The following XIRP2 variants were observed in gnomAD, a reference collection of about 807,000 sequenced individuals.
XIRP2 encodes xin actin-binding repeat-containing protein 2.
In XIRP2, 236 loss-of-function variants were observed where a neutral mutation model predicts 277.0. The ratio of observed to expected loss-of-function variants is 0.85; its 90% CI spans 0.77 to 0.95. The LOEUF is 0.95. Ranked by LOEUF, XIRP2 falls within the 40% of genes least tolerant of loss-of-function variation. XIRP2 has a pLI of 0.00. For synonymous variants in XIRP2, 1,490 were observed against 1,416.5 expected (o/e 1.05, Z -1.17); for missense variants, 4,640 against 4,157.5 (o/e 1.12, Z -3.19).
intron 2 of XIRP2, among the ~76,000 whole-genome samples, chr2:167,069,856 G>T (rs1445431600): frequency 6.6e-6 from 1 of 152,220 alleles, no homozygotes; most frequent in Non-Finnish European, 1.5e-5. Flanking sequence ...TCAGACAGAT[G>T]ATTTCTATAT....
chr2:167,234,344 C>T (rs1694841950), intron 5 of XIRP2, among the ~76,000 whole-genome samples: 1 of 150,952 alleles, frequency 6.6e-6, no homozygotes, highest in South Asian at 2.1e-4. Context: ...ATTTGGCATT[C>T]TTGTTTCAAG....
chr2:166,945,287 GT>G (rs941086135), intron 2 of XIRP2, among the ~76,000 whole-genome samples: 1 of 151,786 alleles, frequency 6.6e-6, no homozygotes, highest in African/African-American at 2.4e-5. Context: ...GTTTTGCTCT[GT>G]TTTTTTTATA....
intron 3 of XIRP2, among the ~76,000 whole-genome samples, chr2:167,156,170 G>C (rs534364489): frequency 2.6e-5 from 4 of 151,834 alleles, no homozygotes; most frequent in Non-Finnish European, 5.9e-5. Context: ...TGGCCATACT[G>C]CCCAAGGTAA....
At position 167,249,948 on chromosome 2, in the gene XIRP2, C is replaced by T; in HGVS notation, c.8556C>T (p.Val2852=). ...TGAAGAATAAATCAGCACCAAAGGT[C>T]GTCAAGCAAAAGGTTATCGATGCAC... ...EHLKNKSAPK[V]VKQKVIDAHL... is the part of the protein sequence containing the mutation. Residue 2852 remains valine (V), a synonymous_variant, in exon 9 of 11, where the codon GTC becomes GTT. Coordinates refer to ENST00000409195, the MANE Select transcript of XIRP2 (RefSeq NM_152381.6). The T allele has an allele frequency of 1.2e-6, 2 of 1,613,526 alleles. No homozygotes were observed. The highest frequency in any genetic ancestry group is 1.7e-6 in the Non-Finnish European group (2 of 1,179,690).
At chr2:167,189,622 T>G (rs1693266859) in intron 3 of XIRP2, among the ~76,000 whole-genome samples, 1 of 152,244 alleles carries the variant, frequency 6.6e-6, no homozygotes, top group African/African-American at 2.4e-5. Flanking sequence ...CCTTTTCTAA[T>G]TAATTAATGA....
chr2:166,916,405 G>C (rs1225024407), intron 2 of XIRP2, among the ~76,000 whole-genome samples: 1 of 152,004 alleles, frequency 6.6e-6, no homozygotes, highest in Admixed American at 6.6e-5. Context: ...GTGTTTCTGA[G>C]GTAACTTCTG....
At chr2:167,217,809 G>A (rs73972205) in intron 4 of XIRP2, among the ~76,000 whole-genome samples, 14,490 of 152,010 alleles carry the variant, frequency 0.095, 838 homozygotes, top group African/African-American at 0.16. Context: ...ACTTTATTGA[G>A]GGTTAAAATT....
intron 3 of XIRP2, among the ~76,000 whole-genome samples, chr2:167,193,846 C>A (rs1385593191): frequency 2.1e-5 from 3 of 141,948 alleles, no homozygotes; most frequent in African/African-American, 7.9e-5. Context: ...CCACTACACT[C>A]CAGCCTGGGT....
chr2:167,054,412 G>A (rs1023500591), intron 2 of XIRP2, among the ~76,000 whole-genome samples: 5 of 152,278 alleles, frequency 3.3e-5, no homozygotes, highest in Admixed American at 2.6e-4. Context: ...GGCTGGGTGA[G>A]GTGGCTCACG....
At chr2:167,030,647 G>C (rs1480469252) in intron 2 of XIRP2, among the ~76,000 whole-genome samples, 1 of 152,120 alleles carries the variant, frequency 6.6e-6, no homozygotes, top group East Asian at 1.9e-4. Flanking sequence ...ATCAATTTTA[G>C]AATAAGTGCG....
chr2:167,107,715 T>A (rs981784594), intron 2 of XIRP2, among the ~76,000 whole-genome samples: 15 of 151,734 alleles, frequency 9.9e-5, no homozygotes, highest in African/African-American at 1.4e-4. Flanking sequence ...ACTGTTTTTG[T>A]CTGATTTTGG....
At chr2:167,079,935 TA>T (rs1689682872) in intron 2 of XIRP2, among the ~76,000 whole-genome samples, 2 of 152,088 alleles carry the variant, frequency 1.3e-5, no homozygotes, top group Non-Finnish European at 2.9e-5. Flanking sequence ...TTTTTGGGTT[TA>T]TTTTTTGTTA....
intron 3 of XIRP2, among the ~76,000 whole-genome samples, chr2:167,174,705 T>C (rs1341859354): frequency 6.6e-6 from 1 of 152,180 alleles, no homozygotes; most frequent in Non-Finnish European, 1.5e-5. Context: ...ATTGTGATGT[T>C]AGGGTGTCAA....
At chr2:167,052,184 C>A (rs984044980) in intron 2 of XIRP2, among the ~76,000 whole-genome samples, 1 of 151,958 alleles carries the variant, frequency 6.6e-6, no homozygotes, top group African/African-American at 2.4e-5. Flanking sequence ...CCCAAAACAG[C>A]CTTGGAGACT....
At chr2:167,153,819 T>C (rs1364831954) in intron 3 of XIRP2, among the ~76,000 whole-genome samples, 1 of 150,164 alleles carries the variant, frequency 6.7e-6, no homozygotes, top group East Asian at 1.9e-4. Flanking sequence ...TGTTGGACAT[T>C]TGGTTTGGTT....
chr2:166,894,520 C>T (rs561800568), intron 1 of XIRP2, among the ~76,000 whole-genome samples: 1 of 152,156 alleles, frequency 6.6e-6, no homozygotes, highest in East Asian at 1.9e-4. Flanking sequence ...TAAAAATGCA[C>T]TAATTGAGTT....
intron 2 of XIRP2, among the ~76,000 whole-genome samples, chr2:167,117,846 A>G (rs1278328741): frequency 6.6e-6 from 1 of 152,138 alleles, no homozygotes; most frequent in Non-Finnish European, 1.5e-5. Context: ...AACATTTGGA[A>G]ATTATTTTTT....
chr2:167,164,073 G>T (rs1247945424), intron 3 of XIRP2, among the ~76,000 whole-genome samples: 3 of 152,184 alleles, frequency 2.0e-5, no homozygotes, highest in Non-Finnish European at 1.5e-5. Context: ...TCTTCCAAGT[G>T]TGATCTCCTT....
intron 2 of XIRP2, among the ~76,000 whole-genome samples, chr2:166,979,693 T>A: frequency 6.6e-6 from 1 of 152,182 alleles, no homozygotes; most frequent in East Asian, 1.9e-4. Flanking sequence ...TATTGACAGC[T>A]TTTTTAGTCT....
Sources: allele counts gnomAD v4.1 joint callset (sites outside exome capture counted in the v4.1 genomes callset), GRCh38; gene constraint gnomAD v4.1.1; transcripts MANE v1.5; gene names NCBI Gene and HGNC (gene_info 2026-07-23, HGNC 2026-07-21).